LIMK1: variants seen among roughly 807,000 people sequenced by gnomAD.
LIMK1 encodes LIM motif-containing protein kinase.
A neutral mutation model predicts 77.6 loss-of-function variants in LIMK1; 21 were observed. That is an observed-to-expected ratio of 0.27 (90% CI 0.19 to 0.39). The LOEUF is 0.39. Among genes scored for constraint, LIMK1 ranks in the 10% least tolerant of loss-of-function variants. The pLI is 1.00. For missense variants in LIMK1, 696 were observed against 901.6 expected, an observed-to-expected ratio of 0.77 and a Z score of 2.92; for synonymous variants, 358 against 370.0, an observed-to-expected ratio of 0.97 and a Z score of 0.37.
chr7:74,085,758 G>C lies in LIMK1; in HGVS notation c.66G>C (p.Leu22Phe). 1 of 1,558,134 alleles carries C rather than the reference G, an allele frequency of 6.4e-7. No individual in the cohort carries two copies. Among genetic ancestry groups the C allele is most frequent in the Non-Finnish European group, 8.7e-7 (1 of 1,150,658 alleles). Reference sequence around the variant, plus strand: ...CTTCCCACCCTGCAGGAAGCGAGTTGCCCGTGTGTGCAAGCTGCGGCCAGA... The same window carrying C: ...CTTCCCACCCTGCAGGAAGCGAGTTCCCCGTGTGTGCAAGCTGCGGCCAGA... ...EERMGEEGSE[L>F]PVCASCGQRI... Residue 22 changes from leucine to phenylalanine, a missense_variant, in exon 2 of 16, where the codon TTG becomes TTC. By Grantham distance (22) the Leu-to-Phe change is conservative. Around this residue, in one of 3 missense-constraint regions of LIMK1, gnomAD observed 252 missense variants for 279.4 expected, o/e 0.90. Transcript: ENST00000336180.
chr7:74,115,419 T>G, intron 12 of LIMK1: 1 of 190,318 alleles, frequency 5.3e-6, no homozygotes. Context: ...CAAGACTCCG[T>G]CTGAAAAAAA....
chr7:74,107,890 G>A lies in LIMK1; in HGVS notation c.1085G>A (p.Gly362Asp). 6.3e-7 allele frequency: 1 copy of A among 1,575,508 alleles called. No individual in the cohort carries two copies. Among genetic ancestry groups the A allele is most frequent in the South Asian group, 1.2e-5 (1 of 85,650 alleles). The change falls in exon 9 of 16, where the codon GGT becomes GAT. Residue 362 changes from glycine to aspartate, a missense_variant. Coordinates refer to ENST00000336180, the MANE Select transcript of LIMK1 (RefSeq NM_002314.4). ...QAIKVTHRET[G>D]EVMVMKELIR... ...ACGCAGGTGACACACCGTGAGACAG[G>A]TGAGGTGATGGTGATGAAGGAGCTG...
intron 2 of LIMK1, chr7:74,093,386 G>A: frequency 2.0e-6 from 3 of 1,475,014 alleles, no homozygotes; most frequent in Non-Finnish European, 1.8e-6. Context: ...GACCCACCTA[G>A]GTCCAGGCTC....
intron 13 of LIMK1, among the ~76,000 whole-genome samples, chr7:74,117,654 T>G (rs1554699778): frequency 6.6e-6 from 1 of 152,106 alleles, no homozygotes; most frequent in Non-Finnish European, 1.5e-5. Context: ...CCTAGTTAAA[T>G]TAGCCTGGCA....
intron 10 of LIMK1, 43 bp from the exon 11 acceptor site, chr7:74,111,605 G>T (rs1554698636): frequency 6.4e-7 from 1 of 1,574,742 alleles, no homozygotes; most frequent in Admixed American, 1.8e-5. Context: ...CTGCCATCGG[G>T]GCCCCCACCG....
At chr7:74,097,981 C>T (rs535136880) in intron 4 of LIMK1, among the ~76,000 whole-genome samples, 1 of 152,290 alleles carries the variant, frequency 6.6e-6, no homozygotes, top group African/African-American at 2.4e-5. Context: ...AGCTCAGGTC[C>T]GACCAAATGA....
chr7:74,102,905 G>A lies in LIMK1; in HGVS notation c.609-2970G>A, dbSNP rs183234399. Among the ~76,000 whole-genome samples the A allele has an allele frequency of 2.4e-3, 286 of 120,678 alleles. 2 individuals are homozygous for A. Among genetic ancestry groups the A allele is most frequent in the African/African-American group, 8.5e-3 (273 of 32,050 alleles). The allele number at this position is 120,678 out of a possible 152,430, so 79.2% of individuals were successfully genotyped here. On this transcript the variant is annotated intron_variant, in intron 5 of 15. Coordinates refer to ENST00000336180, the MANE Select transcript of LIMK1 (RefSeq NM_002314.4). ...TTTTTTGAGACGGAATTTTGCTCTT[G>A]TTGCCCAGGTTGGAGCGCAATGGCG...
Position 74,096,710 on chromosome 7 carries a change from G to A in LIMK1, c.241G>A (p.Gly81Ser). Reference protein sequence around the residue: ...FCKKDYWARYGESCHGCSEQI... With the variant: ...FCKKDYWARYSESCHGCSEQI... ...CAAGAAGGACTACTGGGCCCGCTAT[G>A]GCGAGTCCTGCCATGGGTGCTCTGA... The change falls in exon 3 of 16, where the codon GGC becomes AGC. Residue 81 changes from glycine to serine, a missense_variant. Physicochemically the swap from Gly to Ser is moderately conservative, Grantham distance 56. Transcript: ENST00000336180. 3 of 1,613,798 alleles carry A rather than the reference G, an allele frequency of 1.9e-6. No individual in the cohort carries two copies. Among genetic ancestry groups the A allele is most frequent in the Non-Finnish European group, 1.7e-6 (2 of 1,179,876 alleles).
intron 5 of LIMK1, among the ~76,000 whole-genome samples, chr7:74,103,129 A>T (rs1554696837): frequency 1.3e-5 from 2 of 152,034 alleles, no homozygotes. Context: ...CAGCCTCCCA[A>T]AATGCTGGGT....
At chr7:74,109,243 CT>C in intron 10 of LIMK1, 1 of 523,526 alleles carries the variant, frequency 1.9e-6, no homozygotes, top group South Asian at 1.9e-5. Context: ...ACCTGTTATT[CT>C]GGCACTTTGG....
intron 5 of LIMK1, 111 bp from the exon 6 acceptor site, chr7:74,105,764 G>A (rs1554697303): frequency 2.5e-5 from 17 of 684,238 alleles, no homozygotes; most frequent in South Asian, 1.1e-4. Flanking sequence ...CCAGTCACAC[G>A]AAGTAGAATC....
At chr7:74,088,344 G>A (rs1345112560) in intron 2 of LIMK1, among the ~76,000 whole-genome samples, 3 of 152,176 alleles carry the variant, frequency 2.0e-5, no homozygotes, top group Non-Finnish European at 4.4e-5. Context: ...GGGCAAGAGG[G>A]CTCTCAACAG....
chr7:74,106,950 G>T, intron 7 of LIMK1, 60 bp from the exon 8 acceptor site: 1 of 1,453,036 alleles, frequency 6.9e-7, no homozygotes, highest in Non-Finnish European at 9.2e-7. Flanking sequence ...GGAAGGGGCA[G>T]GGCCTTGGCC....
At position 74,121,212 on chromosome 7, in the gene LIMK1, C is replaced by G; in HGVS notation, c.1855C>G (p.Pro619Ala). The change falls in exon 16 of 16, where the codon CCA (proline) becomes GCA (alanine). Residue 619 changes from proline (P) to alanine (A), a missense_variant. Around this residue, in one of 3 missense-constraint regions of LIMK1, gnomAD observed 438 missense variants for 602.3 expected, o/e 0.73. Transcript: ENST00000336180. ...MHLAGHLPLG[P>A]QLEQLDRGFW... ...CCTGGCCGGCCACCTGCCACTGGGCCCACAGCTGGAGCAGCTGGACAGAGG... is the reference window on the plus strand; with the variant it reads ...CCTGGCCGGCCACCTGCCACTGGGCGCACAGCTGGAGCAGCTGGACAGAGG... The G allele has an allele frequency of 6.2e-7, 1 of 1,613,868 alleles. No individual in the cohort carries two copies. The highest frequency in any genetic ancestry group is 2.2e-5 in the East Asian group (1 of 44,876).
chr7:74,092,879 C>G (rs1200736405), intron 2 of LIMK1, among the ~76,000 whole-genome samples: 1 of 152,178 alleles, frequency 6.6e-6, no homozygotes, highest in East Asian at 1.9e-4. Flanking sequence ...GAGCTTGTCC[C>G]TGTCCCCAGA....
At chr7:74,102,151 C>T (rs752252878) in intron 5 of LIMK1, among the ~76,000 whole-genome samples, 8 of 152,092 alleles carry the variant, frequency 5.3e-5, no homozygotes, top group Non-Finnish European at 1.2e-4. Flanking sequence ...GCATGCAAAG[C>T]CTGTATCAAT....
In LIMK1 at chr7:74,121,554, C is replaced by A. The variant is rs554417441; in HGVS notation, c.*253C>A. On this transcript the variant is annotated 3_prime_UTR_variant, in exon 16 of 16. Transcript: ENST00000336180. ...AACCTCTGTCTTGGCAGGGCTGTCCCCTCTTGCTTCTCCTTGCATGAGCTG... is the reference window on the plus strand; with the variant it reads ...AACCTCTGTCTTGGCAGGGCTGTCCACTCTTGCTTCTCCTTGCATGAGCTG... 2.2e-4 allele frequency: 105 copies of A among 479,788 alleles called. No individual in the cohort carries two copies. Among genetic ancestry groups the A allele is most frequent in the African/African-American group, 2.0e-3 (100 of 50,930 alleles). The allele number at this position is 479,788 out of a possible 1,614,324, so 29.7% of individuals were successfully genotyped here. A position where few individuals can be genotyped will look rare whatever the true frequency, so the allele number is the denominator to read the frequency against.
At chr7:74,090,878 C>A (rs1181600501) in intron 2 of LIMK1, among the ~76,000 whole-genome samples, 2 of 152,160 alleles carry the variant, frequency 1.3e-5, no homozygotes, top group Admixed American at 1.3e-4. Flanking sequence ...CTGCATTAGG[C>A]CCCTCTCACA....
In LIMK1 at chr7:74,107,036, CG is replaced by C; in HGVS notation, c.911del (p.Gly304AlafsTer23). The C allele has an allele frequency of 6.3e-7, 1 of 1,598,830 alleles. No individual in the cohort carries two copies. The highest frequency in any genetic ancestry group is 8.5e-7 in the Non-Finnish European group (1 of 1,174,282). On this transcript the variant is annotated frameshift_variant, in exon 8 of 16. Coordinates refer to ENST00000336180, the MANE Select transcript of LIMK1 (RefSeq NM_002314.4). LOFTEE classifies it high-confidence loss of function. ...AGGAGCTGCAGCATCGACAGGTCTC[CG>C]GGCGCTGGCTCACTGGGCTCCCCGG... ...VLRSCSIDRS[P>X]GAGSLGSPAS...
Sources: gnomAD v4.1 joint callset for allele counts (sites outside exome capture counted in the v4.1 genomes callset) on GRCh38, gnomAD v4.1.1 for gene constraint, gnomAD v4.1.1 regional missense constraint, MANE v1.5 for transcripts, NCBI Gene and HGNC (gene_info 2026-07-23, HGNC 2026-07-21) for gene names.